SLIT1: variants seen among roughly 807,000 people sequenced by gnomAD.
The protein encoded by SLIT1 is slit homolog 1 protein.
In SLIT1, 66 loss-of-function variants were observed where a neutral mutation model predicts 186.1. That is an observed-to-expected ratio of 0.35 (90% CI 0.29 to 0.44). SLIT1 has a LOEUF of 0.44. Ranked by LOEUF, SLIT1 falls within the 20% of genes least tolerant of loss-of-function variation. The pLI is 1.00. For missense variants in SLIT1, 1,638 were observed against 2,037.4 expected, an observed-to-expected ratio of 0.80 and a Z score of 3.77; for synonymous variants, 761 against 833.8, an observed-to-expected ratio of 0.91 and a Z score of 1.50.
intron 1 of SLIT1, 80 bp from the exon 2 acceptor site, chr10:97,164,970 C>G: frequency 9.4e-7 from 1 of 1,063,636 alleles, no homozygotes; most frequent in Non-Finnish European, 1.5e-6. Context: ...CAGGTGCCCT[C>G]CCCGCCTGGA....
chr10:97,002,861 G>T lies in SLIT1; in HGVS notation c.3997C>A (p.Pro1333Thr). ...LQDFTKTQMKPGVVPGCEPCR... is the reference protein window; with the variant it reads ...LQDFTKTQMKTGVVPGCEPCR... The stretch of plus-strand genomic sequence containing the variant: ...GGTTCGCAGCCTGGCACCACGCCTG[G>T]CTTCATCTGCGTCTTGGTGAAGTCC... The change falls in exon 35 of 37, where the codon CCA (proline) becomes ACA (threonine). Residue 1333 changes from proline to threonine, a missense_variant. Transcript: ENST00000266058. 6.2e-7 allele frequency: 1 copy of T among 1,614,222 alleles called. No individual in the cohort carries two copies. Among genetic ancestry groups the T allele is most frequent in the South Asian group, 1.1e-5 (1 of 91,082 alleles).
chr10:97,015,365 G>A (rs914673606), intron 28 of SLIT1, among the ~76,000 whole-genome samples: 1 of 152,210 alleles, frequency 6.6e-6, no homozygotes, highest in Non-Finnish European at 1.5e-5. Context: ...TTGAAGGAAG[G>A]CCTCATAGAA....
chr10:97,032,724 A>G (rs57232135), intron 23 of SLIT1, among the ~76,000 whole-genome samples: 41,704 of 150,592 alleles, frequency 0.28, 5,894 homozygotes, highest in Non-Finnish European at 0.31. Flanking sequence ...CACTTGCAAT[A>G]GCGTCATGCT....
rs1469637927 is a variant in SLIT1, at chr10:97,022,102, T to C, written c.2583-689A>G. Among the ~76,000 whole-genome samples the C allele has an allele frequency of 3.3e-5, 5 of 152,176 alleles. No homozygotes were observed. The highest frequency in any genetic ancestry group is 1.2e-4 in the African/African-American group (5 of 41,442). On this transcript the variant is annotated intron_variant, in intron 25 of 36. Transcript: ENST00000266058. This position sits in a 1 kb window ranked among gnomAD's most constrained non-coding sequence, Gnocchi z 4.2. The stretch of plus-strand genomic sequence containing the variant: ...ACATCGACTGCTGCAATGAGACAGC[T>C]GCTTTTCCTGTGTTTGGGCACCGAA...
intron 4 of SLIT1, among the ~76,000 whole-genome samples, chr10:97,126,874 A>T (rs1426970743): frequency 6.6e-6 from 1 of 152,144 alleles, no homozygotes; most frequent in East Asian, 1.9e-4. Context: ...TCAAGCCAAG[A>T]CCTGTGACCC....
At chr10:97,035,586 A>G (rs1848632004) in intron 22 of SLIT1, among the ~76,000 whole-genome samples, 1 of 152,004 alleles carries the variant, frequency 6.6e-6, no homozygotes, top group Non-Finnish European at 1.5e-5. Flanking sequence ...TTCTGACCTC[A>G]TCTCTCACCC....
chr10:97,055,743 T>C (rs1408653123), intron 13 of SLIT1, among the ~76,000 whole-genome samples: 1 of 152,226 alleles, frequency 6.6e-6, no homozygotes, highest in Non-Finnish European at 1.5e-5. Flanking sequence ...TTTATTGCTC[T>C]CTAATTTTTT....
In SLIT1 at chr10:97,063,590, C is replaced by T. The variant is rs770874711; in HGVS notation, c.658G>A (p.Asp220Asn). 7.4e-6 allele frequency: 12 copies of T among 1,611,780 alleles called. No individual in the cohort carries two copies. The highest frequency in any genetic ancestry group is 2.2e-5 in the South Asian group (2 of 90,610). The change falls in exon 8 of 37, where the codon GAC (aspartate) becomes AAC (asparagine). Residue 220 changes from aspartate to asparagine, a missense_variant. This residue lies in a region of SLIT1 where 1,245 missense variants were observed against 1,535.3 expected (regional missense o/e 0.81). Transcript: ENST00000266058. ...TGCGAGAGCCAGGCCAGGTGGCAGT[C>T]GCAAAACAGGTGGTTGGAGTGCAGG... Reference protein sequence around the residue: ...FRLHSNHLFCDCHLAWLSQWL... With the variant: ...FRLHSNHLFCNCHLAWLSQWL...
Position 97,021,288 on chromosome 10 carries a change from A to G in SLIT1, c.2708T>C (p.Leu903Pro). 1 of 1,614,232 alleles carries G rather than the reference A, an allele frequency of 6.2e-7. No individual in the cohort carries two copies. Among genetic ancestry groups the G allele is most frequent in the Non-Finnish European group, 8.5e-7 (1 of 1,180,022 alleles). ...CAGPQDMEGK[L>P]LLTTPAKKFE... is the part of the protein sequence containing the mutation. Reference sequence around the variant, plus strand: ...CTTCTTGGCAGGCGTGGTGAGGAGCAGCTTGCCCTCCATGTCCTGGGGCCC... The same window carrying G: ...CTTCTTGGCAGGCGTGGTGAGGAGCGGCTTGCCCTCCATGTCCTGGGGCCC... Residue 903 changes from leucine to proline, a missense_variant, in exon 26 of 37, where the codon CTG becomes CCG. By Grantham distance (98) the Leu-to-Pro change is moderately conservative (BLOSUM62 -3). Transcript: ENST00000266058. The surrounding 1 kb of genome is among the most constrained non-coding windows in gnomAD (Gnocchi z 4.5).
At chr10:97,103,796 G>A (rs1178359374) in intron 4 of SLIT1, 1 of 152,202 alleles carries the variant, frequency 6.6e-6, no homozygotes, top group Non-Finnish European at 1.5e-5. Context: ...AAGGCGATGT[G>A]GTTACACGGT....
Position 97,086,283 on chromosome 10 carries a change from G to T in SLIT1, c.414-20197C>A, listed in dbSNP as rs1455411020. 4.6e-5 allele frequency among the ~76,000 whole-genome samples: 7 copies of T among 152,278 alleles called. No homozygotes were observed. In the East Asian group the frequency reaches 1.3e-3, roughly 29 times the overall value. ...ATATTATTCAGTGATAAAAAGAAATGAGCTGGCCGGATGAGGTGGCTCACG... is the reference window on the plus strand; with the variant it reads ...ATATTATTCAGTGATAAAAAGAAATTAGCTGGCCGGATGAGGTGGCTCACG... On this transcript the variant is annotated intron_variant, in intron 4 of 36. Coordinates refer to ENST00000266058, the MANE Select transcript of SLIT1 (RefSeq NM_003061.3).
At chr10:97,158,635 C>T (rs1330258984) in intron 3 of SLIT1, among the ~76,000 whole-genome samples, 1 of 139,386 alleles carries the variant, frequency 7.2e-6, no homozygotes, top group Non-Finnish European at 1.5e-5. Flanking sequence ...GCACTCCAGC[C>T]TGGGCGACAG....
intron 4 of SLIT1, among the ~76,000 whole-genome samples, chr10:97,066,723 G>A (rs777753010): frequency 3.3e-5 from 5 of 152,194 alleles, no homozygotes; most frequent in Admixed American, 6.5e-5. Context: ...CTGCAGAACC[G>A]TGAGCCAAGT....
At chr10:97,092,237 T>C (rs964554732) in intron 4 of SLIT1, among the ~76,000 whole-genome samples, 1 of 152,220 alleles carries the variant, frequency 6.6e-6, no homozygotes, top group Non-Finnish European at 1.5e-5. Flanking sequence ...GTGCAAATTG[T>C]GCATATGTGC....
chr10:97,074,541 A>G (rs1184228748), intron 4 of SLIT1, among the ~76,000 whole-genome samples: 1 of 152,292 alleles, frequency 6.6e-6, no homozygotes, highest in East Asian at 1.9e-4. Context: ...TCTTCCCTTC[A>G]CACATCCTTC....
chr10:97,105,389 C>G (rs1458965340), intron 4 of SLIT1, among the ~76,000 whole-genome samples: 1 of 152,134 alleles, frequency 6.6e-6, no homozygotes, highest in Non-Finnish European at 1.5e-5. Flanking sequence ...AGAAAGGGCA[C>G]CTTGCACACA....
rs1014075883 is a variant in SLIT1 at position 97,001,044 on chromosome 10, C to T, written c.*68G>A. On this transcript the variant is annotated 3_prime_UTR_variant, in exon 37 of 37. Transcript: ENST00000266058. ...ACCTGCACCCCAGCCCAGCTGCTGG[C>T]GACTGTCTCCGCTGCTGCAGCGGCT... The T allele has an allele frequency of 1.4e-5, 18 of 1,311,944 alleles. No homozygotes were observed. The highest frequency in any genetic ancestry group is 4.3e-5 in the African/African-American group (3 of 69,008). The allele number at this position is 1,311,944 out of a possible 1,614,324, so 81.3% of individuals were successfully genotyped here. A position where few individuals can be genotyped will look rare whatever the true frequency, so the allele number is the denominator to read the frequency against.
chr10:97,110,069 C>T (rs538075047), intron 4 of SLIT1, among the ~76,000 whole-genome samples: 43 of 152,252 alleles, frequency 2.8e-4, no homozygotes, highest in African/African-American at 1.0e-3. Context: ...ATCACTGAAA[C>T]TAGATTTTAC....
intron 4 of SLIT1, among the ~76,000 whole-genome samples, chr10:97,104,509 T>A (rs1849393150): frequency 6.6e-6 from 1 of 152,086 alleles, no homozygotes; most frequent in Non-Finnish European, 1.5e-5. Flanking sequence ...TCAGTTTCTA[T>A]CCGGTCACTC....
Sources: gnomAD v4.1 joint callset for allele counts (sites outside exome capture counted in the v4.1 genomes callset) on GRCh38, gnomAD v4.1.1 for gene constraint, gnomAD v4.1.1 regional missense constraint, Gnocchi (gnomAD v3.1) non-coding constraint, MANE v1.5 for transcripts, NCBI Gene and HGNC (gene_info 2026-07-23, HGNC 2026-07-21) for gene names.